LRMDA: variants seen among roughly 807,000 people sequenced by gnomAD.
The protein encoded by LRMDA is leucine rich melanocyte differentiation associated.
A neutral mutation model predicts 29.8 loss-of-function variants in LRMDA; 18 were observed. The ratio of observed to expected loss-of-function variants is 0.60; its 90% CI spans 0.42 to 0.90. The LOEUF (loss-of-function observed/expected upper bound fraction) is 0.90. Among genes scored for constraint, LRMDA ranks in the 40% least tolerant of loss-of-function variants. LRMDA has a pLI of 0.00. For missense variants in LRMDA, 273 were observed against 273.9 expected (o/e 1.00, Z 0.02); for synonymous variants, 125 against 109.4 (o/e 1.14, Z -0.89).
intron 2 of LRMDA, among the ~76,000 whole-genome samples, chr10:75,682,794 CTGTT>C (rs1842040136): frequency 6.6e-6 from 1 of 152,104 alleles, no homozygotes; most frequent in Non-Finnish European, 1.5e-5. Flanking sequence ...TTGAGCCTGA[CTGTT>C]TGACTCAGCG....
chr10:76,384,018 C>G (rs1237812188), intron 6 of LRMDA, among the ~76,000 whole-genome samples: 1 of 152,046 alleles, frequency 6.6e-6, no homozygotes, highest in Non-Finnish European at 1.5e-5. Context: ...CTCTCTCCCC[C>G]TTTCCATCCC....
intron 2 of LRMDA, among the ~76,000 whole-genome samples, chr10:75,618,164 G>A (rs779700081): frequency 6.6e-6 from 1 of 152,034 alleles, no homozygotes; most frequent in Non-Finnish European, 1.5e-5. Context: ...TTCTGCATCT[G>A]TCCTGACTCT....
intron 2 of LRMDA, among the ~76,000 whole-genome samples, chr10:75,502,534 T>G (rs1252137556): frequency 6.6e-6 from 1 of 152,164 alleles, no homozygotes; most frequent in Non-Finnish European, 1.5e-5. Flanking sequence ...TCACCAGTGT[T>G]TCTTTGGGAA....
intron 2 of LRMDA, among the ~76,000 whole-genome samples, chr10:75,486,080 T>A (rs1404921950): frequency 6.6e-6 from 1 of 152,234 alleles, no homozygotes; most frequent in Non-Finnish European, 1.5e-5. Flanking sequence ...ACACAGTGTT[T>A]GCATTTTTTG....
chr10:75,879,534 G>T (rs745732079), intron 2 of LRMDA, among the ~76,000 whole-genome samples: 6 of 152,158 alleles, frequency 3.9e-5, no homozygotes, highest in Non-Finnish European at 7.3e-5. Flanking sequence ...GTCACTGCTT[G>T]TTGTTGCGCT....
intron 2 of LRMDA, among the ~76,000 whole-genome samples, chr10:75,659,233 C>T (rs1056786469): frequency 2.0e-5 from 3 of 152,236 alleles, no homozygotes; most frequent in Non-Finnish European, 2.9e-5. Context: ...GAGGCACTCT[C>T]AGTTTACGTT....
At chr10:75,699,716 G>A (rs191964733) in intron 2 of LRMDA, among the ~76,000 whole-genome samples, 1 of 152,252 alleles carries the variant, frequency 6.6e-6, no homozygotes, top group African/African-American at 2.4e-5. Context: ...ACCCCCAAAG[G>A]CATGTTGTCG....
At chr10:76,507,835 T>C (rs187116531) in intron 6 of LRMDA, among the ~76,000 whole-genome samples, 3 of 152,214 alleles carry the variant, frequency 2.0e-5, no homozygotes, top group African/African-American at 7.2e-5. Context: ...GGGTTCTCTA[T>C]TTTTTTCCAT....
In LRMDA at chr10:75,443,632, G is replaced by C. The variant is rs1370977048; in HGVS notation, c.131+5138G>C. Reference sequence around the variant, plus strand: ...CTGATTGTGTTGAGTATTTTTGCTTGTATGTTCATCAGGGATATTGGCTTG... The same window carrying C: ...CTGATTGTGTTGAGTATTTTTGCTTCTATGTTCATCAGGGATATTGGCTTG... On this transcript the variant is annotated intron_variant, in intron 2 of 6. Transcript: ENST00000611255. Among the ~76,000 whole-genome samples, 9 of 152,246 alleles carry C rather than the reference G, an allele frequency of 5.9e-5. No homozygotes were observed. The South Asian group carries it at 1.9e-3, about 32-fold the overall frequency.
At chr10:75,545,525 TA>T (rs1395302974) in intron 2 of LRMDA, among the ~76,000 whole-genome samples, 2 of 152,188 alleles carry the variant, frequency 1.3e-5, no homozygotes. Flanking sequence ...ACTGTGGACA[TA>T]ATAGGTGTCT....
At chr10:75,667,735 T>G (rs1343226974) in intron 2 of LRMDA, among the ~76,000 whole-genome samples, 2 of 152,196 alleles carry the variant, frequency 1.3e-5, no homozygotes. Context: ...ATACAGTGGA[T>G]CTTATGGATC....
intron 2 of LRMDA, among the ~76,000 whole-genome samples, chr10:75,774,871 A>C (rs1472417682): frequency 6.6e-6 from 1 of 152,202 alleles, no homozygotes; most frequent in Non-Finnish European, 1.5e-5. Flanking sequence ...GCAGGGATGA[A>C]AGCTCTCCAT....
At chr10:76,008,632 G>A (rs1183203052) in intron 2 of LRMDA, among the ~76,000 whole-genome samples, 5 of 152,232 alleles carry the variant, frequency 3.3e-5, no homozygotes, top group African/African-American at 1.2e-4. Flanking sequence ...CACTCCCATG[G>A]CTGTCCACAC....
chr10:75,624,535 G>C (rs978156017), intron 2 of LRMDA, among the ~76,000 whole-genome samples: 14 of 152,048 alleles, frequency 9.2e-5, no homozygotes, highest in African/African-American at 2.7e-4. Context: ...ATGGAGAAGA[G>C]GAATGGAGTC....
chr10:76,281,044 C>G (rs528545143), intron 5 of LRMDA, among the ~76,000 whole-genome samples: 1 of 152,310 alleles, frequency 6.6e-6, no homozygotes, highest in Admixed American at 6.5e-5. Context: ...CAACAGCCCA[C>G]CAAATGGTTG....
chr10:76,226,302 G>T (rs546878039), intron 5 of LRMDA, among the ~76,000 whole-genome samples: 1 of 152,198 alleles, frequency 6.6e-6, no homozygotes, highest in South Asian at 2.1e-4. Context: ...ATCAGATCAG[G>T]CCGGGCGTGG....
At chr10:76,319,026 TA>T (rs1438621711) in intron 5 of LRMDA, 1 of 152,300 alleles carries the variant, frequency 6.6e-6, no homozygotes, top group East Asian at 1.9e-4. Context: ...TCTCCTGCCT[TA>T]GCCTCCAGAA....
intron 5 of LRMDA, among the ~76,000 whole-genome samples, chr10:76,117,082 T>C (rs965636615): frequency 6.6e-6 from 1 of 152,120 alleles, no homozygotes; most frequent in African/African-American, 2.4e-5. Flanking sequence ...GTTTACAAAT[T>C]GGAAATCTTT....
At chr10:75,758,423 C>A (rs192875183) in intron 2 of LRMDA, among the ~76,000 whole-genome samples, 1 of 152,358 alleles carries the variant, frequency 6.6e-6, no homozygotes, top group Admixed American at 6.5e-5. Context: ...GAAGACCCCA[C>A]TCAGTGTCAT....
Sources: gnomAD v4.1 joint callset for allele counts (sites outside exome capture counted in the v4.1 genomes callset) on GRCh38, gnomAD v4.1.1 for gene constraint, MANE v1.5 for transcripts, NCBI Gene and HGNC (gene_info 2026-07-23, HGNC 2026-07-21) for gene names.